PLCB1: variants seen among roughly 807,000 people sequenced by gnomAD.
PLCB1 encodes phospholipase C beta 1, also known as 1-phosphatidylinositol 4,5-bisphosphate phosphodiesterase beta-1.
A neutral mutation model predicts 161.8 loss-of-function variants in PLCB1; 46 were observed. That is an observed-to-expected ratio of 0.28 (90% confidence interval 0.22 to 0.36). The LOEUF (loss-of-function observed/expected upper bound fraction) is 0.36. Ranked by LOEUF, PLCB1 falls within the 10% of genes least tolerant of loss-of-function variation. The pLI is 1.00. For missense variants in PLCB1, 1,016 were observed against 1,472.5 expected, an observed-to-expected ratio of 0.69 and a Z score of 5.07; for synonymous variants, 517 against 503.7, an observed-to-expected ratio of 1.03 and a Z score of -0.35.
At chr20:8,373,755 T>C (rs957253729) in intron 3 of PLCB1, among the ~76,000 whole-genome samples, 50 of 152,304 alleles carry the variant, frequency 3.3e-4, no homozygotes, top group African/African-American at 1.1e-3. Context: ...CCACTTTTCA[T>C]TTCACTCACT....
At chr20:8,155,558 C>A (rs1301192451) in intron 2 of PLCB1, among the ~76,000 whole-genome samples, 2 of 152,200 alleles carry the variant, frequency 1.3e-5, no homozygotes, top group Non-Finnish European at 2.9e-5. Context: ...AATGATGCAT[C>A]ATAAATGTCA....
intron 3 of PLCB1, among the ~76,000 whole-genome samples, chr20:8,547,198 T>C (rs1286311673): frequency 1.3e-5 from 2 of 152,196 alleles, no homozygotes; most frequent in Admixed American, 6.5e-5. Flanking sequence ...ATCAAGCAAT[T>C]TGTTTTCTGT....
At chr20:8,135,307 G>A (rs2051334294) in intron 1 of PLCB1, among the ~76,000 whole-genome samples, 1 of 152,194 alleles carries the variant, frequency 6.6e-6, no homozygotes, top group Admixed American at 6.5e-5. Flanking sequence ...TGTTTAGGAT[G>A]TGAAGAAATT....
intron 4 of PLCB1, among the ~76,000 whole-genome samples, chr20:8,639,684 G>C (rs915518552): frequency 6.6e-6 from 1 of 152,106 alleles, no homozygotes; most frequent in Non-Finnish European, 1.5e-5. Flanking sequence ...ATTGGCCTGA[G>C]CACTGTTGGG....
chr20:8,807,078 G>A (rs1311595986), intron 31 of PLCB1, among the ~76,000 whole-genome samples: 2 of 152,194 alleles, frequency 1.3e-5, no homozygotes, highest in Non-Finnish European at 2.9e-5. Flanking sequence ...GACAAAGAAG[G>A]CGTCTACCAG....
intron 31 of PLCB1, 94 bp downstream of exon 31, chr20:8,790,355 C>T: frequency 1.1e-6 from 1 of 877,526 alleles, no homozygotes; most frequent in Non-Finnish European, 1.8e-6. Flanking sequence ...ACCTTGTACA[C>T]AGTCTCAGAT....
intron 2 of PLCB1, among the ~76,000 whole-genome samples, chr20:8,206,004 A>G (rs1025067214): frequency 1.3e-5 from 2 of 151,240 alleles, no homozygotes; most frequent in African/African-American, 4.9e-5. Context: ...TTTCCAATAA[A>G]AACTTTGTTA....
chr20:8,551,375 G>C (rs1282133715), intron 3 of PLCB1, among the ~76,000 whole-genome samples: 1 of 152,150 alleles, frequency 6.6e-6, no homozygotes. Flanking sequence ...TGTGTTCATT[G>C]ATACTTATTT....
chr20:8,610,417 G>A (rs1170165124), intron 3 of PLCB1, among the ~76,000 whole-genome samples: 2 of 151,812 alleles, frequency 1.3e-5, no homozygotes, highest in African/African-American at 2.4e-5. Context: ...TTATTTTTTG[G>A]CTATTATGAA....
At chr20:8,390,012 CA>C (rs935764334) in intron 3 of PLCB1, among the ~76,000 whole-genome samples, 1 of 152,138 alleles carries the variant, frequency 6.6e-6, no homozygotes, top group Non-Finnish European at 1.5e-5. Flanking sequence ...AATTTTCCTA[CA>C]AAATATGCTT....
At position 8,180,922 on chromosome 20, in the gene PLCB1, A is replaced by G. The variant is rs528957896; in HGVS notation, c.177+30551A>G. Reference sequence around the variant, plus strand: ...GGAATTGCATTTGTCATTTTTTCATACATTCATAATGTAAAAGTGTGTGTG... The same window carrying G: ...GGAATTGCATTTGTCATTTTTTCATGCATTCATAATGTAAAAGTGTGTGTG... On this transcript the variant is annotated intron_variant, in intron 2 of 31. Transcript: ENST00000338037. Among the ~76,000 whole-genome samples, 7 of 148,556 alleles carry G rather than the reference A, an allele frequency of 4.7e-5. No homozygotes were observed. The South Asian group carries it at 1.3e-3, about 28-fold the overall frequency.
chr20:8,487,320 G>A (rs925858592), intron 3 of PLCB1, among the ~76,000 whole-genome samples: 2 of 152,148 alleles, frequency 1.3e-5, no homozygotes, highest in African/African-American at 4.8e-5. Flanking sequence ...ACAATATAAT[G>A]TTTCCTTTGG....
chr20:8,357,737 C>A (rs1986407770), intron 2 of PLCB1, among the ~76,000 whole-genome samples: 1 of 152,184 alleles, frequency 6.6e-6, no homozygotes, highest in Admixed American at 6.5e-5. Context: ...CAAAGAAATT[C>A]TGCCCTGCGT....
intron 3 of PLCB1, among the ~76,000 whole-genome samples, chr20:8,497,160 A>C (rs186062204): frequency 6.6e-6 from 1 of 152,174 alleles, no homozygotes; most frequent in African/African-American, 2.4e-5. Flanking sequence ...AAAATGCACA[A>C]ATTTTTACTT....
intron 31 of PLCB1, among the ~76,000 whole-genome samples, chr20:8,874,290 A>C (rs1306408600): frequency 6.6e-6 from 1 of 151,702 alleles, no homozygotes; most frequent in Non-Finnish European, 1.5e-5. Flanking sequence ...AAAAAGAATA[A>C]AATAATTGAA....
At chr20:8,633,101 TAC>T (rs58802999) in intron 4 of PLCB1, among the ~76,000 whole-genome samples, 9,627 of 142,104 alleles carry the variant, frequency 0.068, 370 homozygotes, top group African/African-American at 0.11. Context: ...TGCATGTATG[TAC>T]ACACACACAC....
At chr20:8,515,189 T>C (rs1984059055) in intron 3 of PLCB1, among the ~76,000 whole-genome samples, 2 of 152,242 alleles carry the variant, frequency 1.3e-5, no homozygotes, top group Non-Finnish European at 2.9e-5. Flanking sequence ...AGCTTCCCAC[T>C]ACCACTTATT....
chr20:8,629,813 TTTCTTTTCTTTCTTTC>T (rs1360049771), intron 4 of PLCB1, among the ~76,000 whole-genome samples: 49 of 72,902 alleles, frequency 6.7e-4, no homozygotes, highest in Non-Finnish European at 1.0e-3. Flanking sequence ...CTTTCTTTTC[TTTCTTTTCTTTCTTTC>T]TTTCTTTCTT....
At chr20:8,400,059 T>A (rs1478894838) in intron 3 of PLCB1, among the ~76,000 whole-genome samples, 1 of 152,192 alleles carries the variant, frequency 6.6e-6, no homozygotes, top group East Asian at 1.9e-4. Context: ...TTTAAGTCTA[T>A]CATTTTTATG....
Sources: gnomAD v4.1 joint callset for allele counts (sites outside exome capture counted in the v4.1 genomes callset) on GRCh38, gnomAD v4.1.1 for gene constraint, MANE v1.5 for transcripts, NCBI Gene and HGNC (gene_info 2026-07-23, HGNC 2026-07-21) for gene names.